Variants in CYP20A1 observed in about 807,000 individuals in gnomAD.
CYP20A1 encodes the protein cytochrome P450 20A1.
Under a neutral mutation model 61.4 loss-of-function variants are expected in CYP20A1, and 61 were observed. The ratio of observed to expected loss-of-function variants is 0.99; its 90% CI spans 0.81 to 1.23. The LOEUF is 1.23. Among genes scored for constraint, CYP20A1 ranks in the 50% most tolerant of loss-of-function variants. The pLI is 0.00. For synonymous variants in CYP20A1, 193 were observed against 188.2 expected (o/e 1.03, Z -0.21); for missense variants, 530 against 542.4 (o/e 0.98, Z 0.23).
intron 5 of CYP20A1, among the ~76,000 whole-genome samples, chr2:203,267,389 C>T (rs1368391722): frequency 6.6e-6 from 1 of 151,750 alleles, no homozygotes; most frequent in Non-Finnish European, 1.5e-5. Flanking sequence ...GAAAAACTAG[C>T]CAGGCATGGT....
At chr2:203,255,762 T>C (rs777932557) in intron 4 of CYP20A1, among the ~76,000 whole-genome samples, 2 of 152,186 alleles carry the variant, frequency 1.3e-5, no homozygotes, top group African/African-American at 4.8e-5. Context: ...GCCATACTTG[T>C]TTTCTTTTAA....
intron 4 of CYP20A1, among the ~76,000 whole-genome samples, chr2:203,256,639 G>T (rs1200441090): frequency 6.6e-6 from 1 of 152,076 alleles, no homozygotes; most frequent in African/African-American, 2.4e-5. Flanking sequence ...GATTACAGGC[G>T]TGAGCCACCG....
rs139760500 is a variant in CYP20A1 at position 203,303,647 on chromosome 2, A to G, written c.*6739A>G. Among the ~76,000 whole-genome samples the G allele has an allele frequency of 2.3e-3, 344 of 152,084 alleles. 7 individuals are homozygous for G. In the East Asian group the frequency reaches 0.056, roughly 25 times the overall value. On this transcript the variant is annotated 3_prime_UTR_variant, in exon 13 of 13. Coordinates refer to ENST00000356079, the MANE Select transcript of CYP20A1 (RefSeq NM_177538.3). ...GAGTCGGAGGTTGCAGTGAGCCGAG[A>G]TCGCGCCATTGCACTCCAGTGTGGG...
At chr2:203,239,208 T>C in intron 1 of CYP20A1, 74 bp downstream of exon 1, 3 of 1,310,930 alleles carry the variant, frequency 2.3e-6, no homozygotes. Context: ...CAGGCCAACC[T>C]GCCCGCTGCG....
At chr2:203,258,230 A>G (rs1247306548) in intron 4 of CYP20A1, among the ~76,000 whole-genome samples, 2 of 152,168 alleles carry the variant, frequency 1.3e-5, no homozygotes, top group Non-Finnish European at 2.9e-5. Flanking sequence ...TTTAAAAATT[A>G]CATTTGGAAG....
intron 4 of CYP20A1, among the ~76,000 whole-genome samples, chr2:203,265,763 T>C (rs1331445114): frequency 6.6e-6 from 1 of 152,188 alleles, no homozygotes; most frequent in Non-Finnish European, 1.5e-5. Flanking sequence ...TGATCTTGGC[T>C]CATTGCAGCC....
Position 203,299,035 on chromosome 2 carries a change from C to CAAAAAAAA in CYP20A1, c.*2130_*2137dup. On this transcript the variant is annotated 3_prime_UTR_variant, in exon 13 of 13. Transcript: ENST00000356079. ...GGGCGACAGGGCTGAGACCTTGTCT[C>CAAAAAAAA]AAAAAAAAAAGGAGTATCTTAAGTG... is the stretch of plus-strand genomic sequence containing the variant. 6.9e-6 allele frequency among the ~76,000 whole-genome samples: 1 copy of CAAAAAAAA among 145,380 alleles called. No homozygotes were observed. Among genetic ancestry groups the CAAAAAAAA allele is most frequent in the Non-Finnish European group, 1.5e-5 (1 of 66,038 alleles).
chr2:203,260,378 A>G (rs137994067), intron 4 of CYP20A1, among the ~76,000 whole-genome samples: 4,963 of 147,792 alleles, frequency 0.034, 122 homozygotes, highest in Non-Finnish European at 0.048. Context: ...GTGTGCCACG[A>G]CGCCCGGCTA....
chr2:203,289,605 C>G (rs1237078827), intron 9 of CYP20A1, among the ~76,000 whole-genome samples, 160 bp from the exon 10 acceptor site: 1 of 151,516 alleles, frequency 6.6e-6, no homozygotes, highest in African/African-American at 2.4e-5. Flanking sequence ...TCTTTATGTA[C>G]TTCTAATATA....
In CYP20A1 at chr2:203,292,415, C is replaced by A. The variant is rs2068577139; in HGVS notation, c.1148+89C>A. Reference sequence around the variant, plus strand: ...TTTCCTAACTGTTGAGTAGAAAACTCAATATGTAGCAATGATACAACAAAA... The same window carrying A: ...TTTCCTAACTGTTGAGTAGAAAACTAAATATGTAGCAATGATACAACAAAA... On this transcript the variant is annotated intron_variant, in intron 11 of 12. Transcript: ENST00000356079. 16 of 827,380 alleles carry A rather than the reference C, an allele frequency of 1.9e-5. No individual in the cohort carries two copies. The South Asian group carries it at 2.1e-4, about 11-fold the overall frequency. The allele number at this position is 827,380 out of a possible 1,614,324, so 51.3% of individuals were successfully genotyped here. A position where few individuals can be genotyped will look rare whatever the true frequency, so the allele number is the denominator to read the frequency against.
chr2:203,294,406 G>A (rs998734662), intron 11 of CYP20A1, among the ~76,000 whole-genome samples: 6 of 151,616 alleles, frequency 4.0e-5, no homozygotes, highest in Non-Finnish European at 7.4e-5. Flanking sequence ...GTGTGGTGGC[G>A]CATGCCTGTA....
chr2:203,281,827 T>G lies in CYP20A1; in HGVS notation c.850+1714T>G, dbSNP rs374633355. On this transcript the variant is annotated intron_variant, in intron 8 of 12. Coordinates refer to ENST00000356079, the MANE Select transcript of CYP20A1 (RefSeq NM_177538.3). Reference sequence around the variant, plus strand: ...AAAAAAAACAAAAAACAAAAGGAAGTATTAGGACATGAATTTAAATTTTAG... The same window carrying G: ...AAAAAAAACAAAAAACAAAAGGAAGGATTAGGACATGAATTTAAATTTTAG... 6.6e-5 allele frequency among the ~76,000 whole-genome samples: 10 copies of G among 151,918 alleles called. No homozygotes were observed. The East Asian group carries it at 1.7e-3, about 26-fold the overall frequency.
At position 203,298,596 on chromosome 2, in the gene CYP20A1, G is replaced by T. The variant is rs2068901362; in HGVS notation, c.*1688G>T. Among the ~76,000 whole-genome samples the T allele has an allele frequency of 6.6e-6, 1 of 150,558 alleles. No individual in the cohort carries two copies. The highest frequency in any genetic ancestry group is 1.5e-5 in the Non-Finnish European group (1 of 67,844). Reference sequence around the variant, plus strand: ...CACATTTGTAATCCCAGCTACTCAGGAGGCTGAGGCAGGATAATCGCTTGA... The same window carrying T: ...CACATTTGTAATCCCAGCTACTCAGTAGGCTGAGGCAGGATAATCGCTTGA... On this transcript the variant is annotated 3_prime_UTR_variant, in exon 13 of 13. Transcript: ENST00000356079.
rs550688921 is a variant in CYP20A1, at chr2:203,298,416, G to A, written c.*1508G>A. 7.5e-4 allele frequency: 130 copies of A among 172,236 alleles called. 7 individuals carry two copies. The highest frequency in any genetic ancestry group is 5.0e-3 in the Middle Eastern group (2 of 404). The allele number at this position is 172,236 out of a possible 1,614,324, so 10.7% of individuals were successfully genotyped here. A position where few individuals can be genotyped will look rare whatever the true frequency, so the allele number is the denominator to read the frequency against. On this transcript the variant is annotated 3_prime_UTR_variant, in exon 13 of 13. Coordinates refer to ENST00000356079, the MANE Select transcript of CYP20A1 (RefSeq NM_177538.3). ...AAAAAAACAAAAAACAAAAAAGGCC[G>A]GGCTCGGTGGCTCATGCCTATAATA...
intron 3 of CYP20A1, among the ~76,000 whole-genome samples, chr2:203,247,809 A>T (rs755253673): frequency 6.6e-6 from 1 of 152,106 alleles, no homozygotes; most frequent in Non-Finnish European, 1.5e-5. Flanking sequence ...GTGAGCTGAG[A>T]TCGCACCACT....
intron 6 of CYP20A1, among the ~76,000 whole-genome samples, chr2:203,273,894 C>T (rs2067708279): frequency 6.6e-6 from 1 of 152,136 alleles, no homozygotes; most frequent in Non-Finnish European, 1.5e-5. Flanking sequence ...TTGCAGTGAG[C>T]TGAGATCGTG....
intron 9 of CYP20A1, among the ~76,000 whole-genome samples, chr2:203,288,602 G>T (rs541251937): frequency 6.6e-6 from 1 of 152,070 alleles, no homozygotes; most frequent in Non-Finnish European, 1.5e-5. Context: ...CAGCAGGTAC[G>T]CAATAAATAT....
chr2:203,271,068 ATATATATATATATATTTTTTTTT>A lies in CYP20A1; in HGVS notation c.601-1600_601-1578del, dbSNP rs1167262722. Among the ~76,000 whole-genome samples, 57 of 80,462 alleles carry A rather than the reference ATATATATATATATATTTTTTTTT, an allele frequency of 7.1e-4. 1 individual carries two copies. Among genetic ancestry groups the A allele is most frequent in the Middle Eastern group, 6.4e-3 (1 of 156 alleles). 52.8% of individuals were successfully genotyped at this position (80,462 alleles called of 152,430 possible). ...TATGTATATGTGTATATATATATAT[ATATATATATATATATTTTTTTTT>A]TTTTTTTTTTTTTTGAGACGGAGTC... On this transcript the variant is annotated intron_variant, in intron 5 of 12. Coordinates refer to ENST00000356079, the MANE Select transcript of CYP20A1 (RefSeq NM_177538.3).
intron 10 of CYP20A1, among the ~76,000 whole-genome samples, chr2:203,291,854 G>A (rs2068549639): frequency 6.6e-6 from 1 of 152,088 alleles, no homozygotes. Context: ...ACAGGCCCCG[G>A]TGTGTGATGT....
Sources: gnomAD v4.1 joint callset for allele counts (sites outside exome capture counted in the v4.1 genomes callset) on GRCh38, gnomAD v4.1.1 for gene constraint, MANE v1.5 for transcripts, NCBI Gene and HGNC (gene_info 2026-07-23, HGNC 2026-07-21) for gene names.